The following KDM2B variants were observed in gnomAD, a reference collection of about 807,000 sequenced individuals.
KDM2B encodes lysine demethylase 2B.
A neutral mutation model predicts 150.0 loss-of-function variants in KDM2B; 26 were observed. The observed-to-expected ratio is 0.17, with a 90% CI of 0.13 to 0.24. The LOEUF (loss-of-function observed/expected upper bound fraction) is 0.24, where lower values mean the gene tolerates loss of function less well. Ranked by LOEUF, KDM2B falls within the 10% of genes least tolerant of loss-of-function variation. The pLI is 1.00. For missense variants in KDM2B, 1,265 were observed against 1,816.9 expected (o/e 0.70, Z 5.52); for synonymous variants, 734 against 729.5 (o/e 1.01, Z -0.10).
At chr12:121,478,866 TTGTGTG>T (rs71874668) in intron 12 of KDM2B, among the ~76,000 whole-genome samples, 1 of 131,132 alleles carries the variant, frequency 7.6e-6, no homozygotes, top group East Asian at 2.4e-4. Flanking sequence ...TTTTGTTTGT[TTGTGTG>T]TGTGTGTGTG....
At chr12:121,511,619 G>A (rs944141545) in intron 10 of KDM2B, among the ~76,000 whole-genome samples, 2 of 152,196 alleles carry the variant, frequency 1.3e-5, no homozygotes, top group Non-Finnish European at 2.9e-5. Context: ...CACTGTGCCC[G>A]GCCCCGGGTT....
At chr12:121,579,804 T>G (rs1891811476) in intron 1 of KDM2B, among the ~76,000 whole-genome samples, 2 of 145,860 alleles carry the variant, frequency 1.4e-5, no homozygotes, top group African/African-American at 5.1e-5. Context: ...ACCTCCCCAC[T>G]TAAGTGTCTG....
intron 4 of KDM2B, among the ~76,000 whole-genome samples, chr12:121,554,292 A>T (rs1015360499): frequency 9.9e-5 from 15 of 152,162 alleles, no homozygotes; most frequent in African/African-American, 3.4e-4. Context: ...TTATATTTCA[A>T]TGAAACTTTT....
intron 7 of KDM2B, 110 bp downstream of exon 7, chr12:121,534,387 G>C: frequency 2.6e-6 from 2 of 777,942 alleles, no homozygotes; most frequent in South Asian, 3.0e-5. Context: ...AGTACTCCTG[G>C]GGCAGGGCTG....
chr12:121,563,638 G>T (rs1890498276), intron 4 of KDM2B, among the ~76,000 whole-genome samples: 1 of 150,924 alleles, frequency 6.6e-6, no homozygotes, highest in African/African-American at 2.4e-5. Context: ...AAAACAAAAG[G>T]CCAGGCACAG....
rs1880167176 is a variant in KDM2B at position 121,467,318 on chromosome 12, G to GGGCTCGGGCTCC, written c.1735-13986_1735-13975dup. 4 of 982,482 alleles carry GGGCTCGGGCTCC rather than the reference G, an allele frequency of 4.1e-6. No individual in the cohort carries two copies. Among genetic ancestry groups the GGGCTCGGGCTCC allele is most frequent in the Non-Finnish European group, 4.8e-6 (4 of 828,988 alleles). The allele number at this position is 982,482 out of a possible 1,614,324, so 60.9% of individuals were successfully genotyped here. A position where few individuals can be genotyped will look rare whatever the true frequency, so the allele number is the denominator to read the frequency against. ...CTCGCCCTGGCTCGGGCTCGGGCTCGGGCTCGGGCTCCCGCTGCCGCGAGG... is the reference window on the plus strand; with the variant it reads ...CTCGCCCTGGCTCGGGCTCGGGCTCGGGCTCGGGCTCCGGCTCGGGCTCCCGCTGCCGCGAGG... On this transcript the variant is annotated intron_variant, in intron 12 of 22. Transcript: ENST00000377071. This position sits in a 1 kb window ranked among gnomAD's most constrained non-coding sequence, Gnocchi z 5.1.
chr12:121,524,627 A>G (rs1555306462), intron 8 of KDM2B: 2 of 425,120 alleles, frequency 4.7e-6, no homozygotes. Flanking sequence ...TGCCTCCCTC[A>G]GTAAGAAGGA....
intron 1 of KDM2B, 53 bp from the exon 2 acceptor site, chr12:121,578,999 C>T: frequency 6.4e-7 from 1 of 1,573,322 alleles, no homozygotes; most frequent in Non-Finnish European, 8.6e-7. Context: ...GGCTGGAGGT[C>T]GCCTCTCAAC....
At chr12:121,508,873 T>G (rs1885324102) in intron 11 of KDM2B, among the ~76,000 whole-genome samples, 1 of 152,198 alleles carries the variant, frequency 6.6e-6, no homozygotes, top group African/African-American at 2.4e-5. Context: ...TGAAACTGAT[T>G]CGTGCTCCAA....
rs150574071 is a variant in KDM2B, at chr12:121,528,821, A to T, written c.931+3985T>A. 3.0e-3 allele frequency among the ~76,000 whole-genome samples: 453 copies of T among 152,326 alleles called. 5 individuals carry two copies. Among genetic ancestry groups the T allele is most frequent in the African/African-American group, 0.01 (435 of 41,572 alleles). ...GGCTGGAGAATCGCTTGAACTTGGG[A>T]GGCGGAGGTTACAGTGAGCTGAGAT... On this transcript the variant is annotated intron_variant, in intron 8 of 22. Coordinates refer to ENST00000377071, the MANE Select transcript of KDM2B (RefSeq NM_032590.5).
the KDM2B span, chr12:121,416,043 A>G: frequency 2.7e-6 from 2 of 749,758 alleles, no homozygotes; most frequent in African/African-American, 1.7e-5. Flanking sequence ...AGAGGAATAT[A>G]GTAATCTCAA....
chr12:121,550,320 A>G (rs1310847360), intron 4 of KDM2B, among the ~76,000 whole-genome samples: 5 of 151,816 alleles, frequency 3.3e-5, no homozygotes, highest in South Asian at 2.1e-4. Flanking sequence ...AAAAAAAAAA[A>G]AAAGAAAGAA....
At position 121,442,297 on chromosome 12, in the gene KDM2B, G is replaced by A; in HGVS notation, c.3144C>T (p.Ile1048=). Residue 1048 remains isoleucine (I), a synonymous_variant, in exon 19 of 23, where the codon ATC becomes ATT. Coordinates refer to ENST00000377071, the MANE Select transcript of KDM2B (RefSeq NM_032590.5). This position sits in a 1 kb window ranked among gnomAD's most constrained non-coding sequence, Gnocchi z 7.7. ...MERHVIRPPP[I]SPPPDSLPLD... ...GGGGTAGCGAGTCAGGCGGGGGGCT[G>A]ATGGGGGGTGGCCGGATCACATGGC... 6.2e-7 allele frequency: 1 copy of A among 1,610,422 alleles called. No homozygotes were observed. The highest frequency in any genetic ancestry group is 8.5e-7 in the Non-Finnish European group (1 of 1,178,166).
At chr12:121,501,263 C>T (rs1884515985) in intron 11 of KDM2B, among the ~76,000 whole-genome samples, 2 of 152,106 alleles carry the variant, frequency 1.3e-5, no homozygotes, top group Non-Finnish European at 2.9e-5. Context: ...CCTGCAATCC[C>T]AGCTACTTGG....
At chr12:121,536,784 C>T (rs1283137247) in intron 6 of KDM2B, among the ~76,000 whole-genome samples, 13 of 151,884 alleles carry the variant, frequency 8.6e-5, no homozygotes, top group Admixed American at 8.5e-4. Context: ...ACGTGCTTCT[C>T]TTGTCGACAG....
At chr12:121,417,642 G>T in the KDM2B span, 2 of 1,614,192 alleles carry the variant, frequency 1.2e-6, no homozygotes, top group South Asian at 2.2e-5. The surrounding 1 kb of genome is among the most constrained non-coding windows in gnomAD (Gnocchi z 5.0). Context: ...GAAGGTGAAG[G>T]ACCTGCGGCA....
At position 121,442,679 on chromosome 12, in the gene KDM2B, G is replaced by C; in HGVS notation, c.2762C>G (p.Thr921Ser). Residue 921 changes from threonine (T) to serine (S), a missense_variant, in exon 19 of 23, where the codon ACC (threonine) becomes AGC (serine). Transcript: ENST00000377071. The surrounding 1 kb of genome is among the most constrained non-coding windows in gnomAD (Gnocchi z 7.7). ...RSSSPTAGPS[T>S]EGAEGPEEKK... The stretch of plus-strand genomic sequence containing the variant: ...CTCCTCCGGGCCCTCGGCCCCTTCG[G>C]TGCTGGGTCCCGCGGTGGGGGAGCT... The C allele has an allele frequency of 6.2e-7, 1 of 1,603,996 alleles. No individual in the cohort carries two copies.
chr12:121,530,100 T>C (rs868976037), intron 8 of KDM2B, among the ~76,000 whole-genome samples: 6 of 150,886 alleles, frequency 4.0e-5, no homozygotes, highest in Admixed American at 6.6e-5. Flanking sequence ...TGGTGGCGGG[T>C]GCCTGTGGTC....
chr12:121,424,585 G>A (rs1422364096), downstream of KDM2B, among the ~76,000 whole-genome samples: 3 of 151,964 alleles, frequency 2.0e-5, no homozygotes, highest in African/African-American at 4.8e-5. Flanking sequence ...TTAGCCAGGC[G>A]TGGTAGTCCC....
Sources: gnomAD v4.1 joint callset for allele counts (sites outside exome capture counted in the v4.1 genomes callset) on GRCh38, gnomAD v4.1.1 for gene constraint, Gnocchi (gnomAD v3.1) non-coding constraint, MANE v1.5 for transcripts, NCBI Gene and HGNC (gene_info 2026-07-23, HGNC 2026-07-21) for gene names.